CNTN5: variants seen among roughly 807,000 people sequenced by gnomAD.
CNTN5 encodes the protein contactin 5, also known as contactin-5.
CNTN5 carries 77 observed loss-of-function variants against 129.1 expected under a neutral mutation model. The ratio of observed to expected loss-of-function variants is 0.60; its 90% confidence interval spans 0.50 to 0.72. The LOEUF is 0.72. Among genes scored for constraint, CNTN5 ranks in the 30% least tolerant of loss-of-function variants. The probability of loss-of-function intolerance (pLI) is 0.00; values close to 1 mark genes in which losing one functional copy is unlikely to be tolerated. For synonymous variants in CNTN5, 509 were observed against 465.6 expected (o/e 1.09, Z -1.20); for missense variants, 1,478 against 1,328.8 (o/e 1.11, Z -1.75).
intron 3 of CNTN5, among the ~76,000 whole-genome samples, chr11:99,628,007 C>T (rs592217): frequency 0.61 from 91,664 of 149,610 alleles, 28,917 homozygotes; most frequent in Admixed American, 0.74. Context: ...ATTACTTTGA[C>T]TTAAACTGAA....
chr11:99,765,035 T>C (rs1489118702), intron 3 of CNTN5, among the ~76,000 whole-genome samples: 1 of 152,118 alleles, frequency 6.6e-6, no homozygotes, highest in Non-Finnish European at 1.5e-5. Context: ...TTTACTTAAG[T>C]TTACCTATAT....
chr11:99,163,645 T>G (rs925865220), intron 1 of CNTN5, among the ~76,000 whole-genome samples: 1 of 152,162 alleles, frequency 6.6e-6, no homozygotes. Context: ...CTGAAACTTA[T>G]TTTCCCTGTT....
chr11:99,852,629 G>A (rs905873575), intron 6 of CNTN5, among the ~76,000 whole-genome samples: 43 of 152,260 alleles, frequency 2.8e-4, no homozygotes, highest in Admixed American at 1.2e-3. Flanking sequence ...CATTATGTAT[G>A]AAAATCATGA....
Position 99,869,794 on chromosome 11 carries a change from T to G in CNTN5, c.577+24532T>G, listed in dbSNP as rs114361768. Among the ~76,000 whole-genome samples the G allele has an allele frequency of 6.1e-3, 927 of 152,318 alleles. 14 individuals are homozygous for G. Among genetic ancestry groups the G allele is most frequent in the African/African-American group, 0.021 (889 of 41,582 alleles). On this transcript the variant is annotated intron_variant, in intron 6 of 24. Coordinates refer to ENST00000524871, the MANE Select transcript of CNTN5 (RefSeq NM_014361.4). ...ATCTCTGTTCAATTTGCTTCTGCATTTAAGATATTAAATTCAGATCTATGT... is the reference window on the plus strand; with the variant it reads ...ATCTCTGTTCAATTTGCTTCTGCATGTAAGATATTAAATTCAGATCTATGT...
intron 3 of CNTN5, among the ~76,000 whole-genome samples, chr11:99,717,965 C>G (rs928310300): frequency 1.3e-5 from 2 of 152,072 alleles, no homozygotes; most frequent in African/African-American, 2.4e-5. Flanking sequence ...CTTACCACTT[C>G]GTCCTGCAGG....
intron 7 of CNTN5, among the ~76,000 whole-genome samples, chr11:99,945,959 T>TG (rs1950545126): frequency 6.6e-6 from 1 of 151,548 alleles, no homozygotes; most frequent in African/African-American, 2.4e-5. Flanking sequence ...AGTACAAGCA[T>TG]GAAAAAAAAA....
intron 22 of CNTN5, among the ~76,000 whole-genome samples, chr11:100,340,880 A>G (rs1183867815): frequency 2.0e-5 from 3 of 152,170 alleles, no homozygotes; most frequent in Admixed American, 2.0e-4. Context: ...CACAGAAGGG[A>G]GATAAAAGAA....
chr11:100,043,722 C>T (rs1326906034), intron 9 of CNTN5, among the ~76,000 whole-genome samples: 1 of 152,250 alleles, frequency 6.6e-6, no homozygotes, highest in Non-Finnish European at 1.5e-5. Context: ...GCTCACCTCA[C>T]ATGTCATCTT....
chr11:99,264,022 A>G (rs1007085300), intron 1 of CNTN5, among the ~76,000 whole-genome samples: 1 of 151,996 alleles, frequency 6.6e-6, no homozygotes, highest in African/African-American at 2.4e-5. Context: ...TGGTACATTT[A>G]CATAGACCCT....
rs149494907 is a variant in CNTN5 at position 99,772,307 on chromosome 11, C to T, written c.56-47237C>T. ...CCAGCTATTGCAATGTAGTGTGATACAGGTTAAGTCCGGAATGTATGTAAG... is the reference window on the plus strand; with the variant it reads ...CCAGCTATTGCAATGTAGTGTGATATAGGTTAAGTCCGGAATGTATGTAAG... On this transcript the variant is annotated intron_variant, in intron 3 of 24. Transcript: ENST00000524871. Among the ~76,000 whole-genome samples the T allele has an allele frequency of 1.8e-3, 268 of 152,106 alleles. 2 individuals carry two copies. In the East Asian group the frequency reaches 0.021, roughly 12 times the overall value.
At chr11:100,153,979 ATTATATT>A (rs775002304) in intron 13 of CNTN5, among the ~76,000 whole-genome samples, 31 of 152,176 alleles carry the variant, frequency 2.0e-4, no homozygotes, top group Admixed American at 6.6e-4. Flanking sequence ...TAGTAATTTA[ATTATATT>A]TTAAATATAG....
intron 6 of CNTN5, among the ~76,000 whole-genome samples, chr11:99,883,758 TTAAA>T (rs1193050006): frequency 6.6e-6 from 1 of 152,170 alleles, no homozygotes; most frequent in Non-Finnish European, 1.5e-5. Flanking sequence ...ATCTGTTGAA[TTAAA>T]TAGAAACCAG....
intron 3 of CNTN5, among the ~76,000 whole-genome samples, chr11:99,674,999 G>A (rs1405824260): frequency 1.4e-5 from 2 of 146,742 alleles, no homozygotes; most frequent in Non-Finnish European, 3.0e-5. Flanking sequence ...CATTATATTA[G>A]GAGGCATTTT....
intron 3 of CNTN5, among the ~76,000 whole-genome samples, chr11:99,764,810 G>C (rs1944698825): frequency 6.6e-6 from 1 of 152,100 alleles, no homozygotes; most frequent in African/African-American, 2.4e-5. Flanking sequence ...ATCTCAACTT[G>C]GACTATCCAG....
intron 1 of CNTN5, among the ~76,000 whole-genome samples, chr11:99,065,122 T>A (rs1032732494): frequency 6.6e-5 from 10 of 151,972 alleles, no homozygotes; most frequent in African/African-American, 2.4e-4. Flanking sequence ...GATACCAATG[T>A]AAAAGCATTT....
At chr11:99,528,120 A>T (rs1427412466) in intron 2 of CNTN5, among the ~76,000 whole-genome samples, 1 of 152,222 alleles carries the variant, frequency 6.6e-6, no homozygotes, top group East Asian at 1.9e-4. Flanking sequence ...ATTCAGGAGA[A>T]CTATCCTAAC....
At chr11:99,520,661 T>A (rs193165811) in intron 2 of CNTN5, among the ~76,000 whole-genome samples, 2 of 152,126 alleles carry the variant, frequency 1.3e-5, no homozygotes, top group African/African-American at 4.8e-5. Context: ...TGTCATGGGG[T>A]AAAGGACATG....
intron 3 of CNTN5, among the ~76,000 whole-genome samples, chr11:99,688,831 T>G (rs919487587): frequency 6.6e-6 from 1 of 152,158 alleles, no homozygotes; most frequent in Admixed American, 6.5e-5. Context: ...TGATTTAGCA[T>G]TCACTTATAG....
chr11:100,292,125 T>G (rs760683585), intron 18 of CNTN5, among the ~76,000 whole-genome samples: 3 of 152,078 alleles, frequency 2.0e-5, no homozygotes, highest in Non-Finnish European at 4.4e-5. Context: ...CTATGATCTG[T>G]CTTTTCTTTC....
Sources: allele counts gnomAD v4.1 joint callset (sites outside exome capture counted in the v4.1 genomes callset), GRCh38; gene constraint gnomAD v4.1.1; transcripts MANE v1.5; gene names NCBI Gene and HGNC (gene_info 2026-07-23, HGNC 2026-07-21).